RCBTB2: variants seen among roughly 807,000 people sequenced by gnomAD.
RCBTB2 encodes RCC1 and BTB domain-containing protein 2.
RCBTB2 carries 55 observed loss-of-function variants against 65.4 expected under a neutral mutation model. The observed-to-expected ratio is 0.84, with a 90% CI of 0.68 to 1.05. The LOEUF (loss-of-function observed/expected upper bound fraction) is 1.05, where lower values mean the gene tolerates loss of function less well. RCBTB2 is among the 50% of genes least tolerant of loss of function. The pLI is 0.00. For missense variants in RCBTB2, 599 were observed against 680.1 expected, an observed-to-expected ratio of 0.88 and a Z score of 1.33; for synonymous variants, 220 against 255.2, an observed-to-expected ratio of 0.86 and a Z score of 1.31.
intron 1 of RCBTB2, among the ~76,000 whole-genome samples, chr13:48,527,337 G>GATATATATATATATATAATAT (rs1174299074): frequency 8.9e-6 from 1 of 112,198 alleles, no homozygotes; most frequent in African/African-American, 6.5e-5. Context: ...ATATATATAT[G>GATATATATATATATATAATAT]ATATATATAT....
rs141891385 is a variant in RCBTB2, at chr13:48,516,200, C to T, written c.43-459G>A. Among the ~76,000 whole-genome samples the T allele has an allele frequency of 2.3e-3, 346 of 152,100 alleles. 1 individual carries two copies. The highest frequency in any genetic ancestry group is 7.4e-3 in the African/African-American group (308 of 41,486). Reference sequence around the variant, plus strand: ...TGAAAGTGACACCAAGGAAATGGTCCGAAGTTTTAGTTCATGGGCAAGCTT... The same window carrying T: ...TGAAAGTGACACCAAGGAAATGGTCTGAAGTTTTAGTTCATGGGCAAGCTT... On this transcript the variant is annotated intron_variant, in intron 4 of 14. Transcript: ENST00000344532.
At chr13:48,498,195 C>T (rs978985278) in intron 13 of RCBTB2, among the ~76,000 whole-genome samples, 1 of 152,200 alleles carries the variant, frequency 6.6e-6, no homozygotes, top group Non-Finnish European at 1.5e-5. Context: ...GGGGTCTGTC[C>T]TGCCTGTGCC....
At chr13:48,503,224 T>G (rs1051757088) in intron 10 of RCBTB2, among the ~76,000 whole-genome samples, 2 of 152,214 alleles carry the variant, frequency 1.3e-5, no homozygotes, top group African/African-American at 4.8e-5. Context: ...AATTCAAGTA[T>G]AACCCAAGAG....
chr13:48,523,101 A>G (rs1370904662), intron 2 of RCBTB2, among the ~76,000 whole-genome samples: 1 of 152,240 alleles, frequency 6.6e-6, no homozygotes, highest in African/African-American at 2.4e-5. Context: ...AAGATTACTT[A>G]GAAGTTTCTC....
chr13:48,517,330 C>T (rs1279052525), intron 4 of RCBTB2, among the ~76,000 whole-genome samples: 1 of 152,182 alleles, frequency 6.6e-6, no homozygotes, highest in African/African-American at 2.4e-5. Flanking sequence ...ATGGCTGTGA[C>T]TCATTTCCAG....
In RCBTB2 at chr13:48,522,405, T is replaced by A; in HGVS notation, c.-119-2A>T. 8.2e-7 allele frequency: 1 copy of A among 1,220,866 alleles called. No individual in the cohort carries two copies. The highest frequency in any genetic ancestry group is 1.1e-6 in the Non-Finnish European group (1 of 879,504). The allele number at this position is 1,220,866 out of a possible 1,614,324, so 75.6% of individuals were successfully genotyped here. ...CAGAAGAATATATGATTTGCTAAGC[T>A]GGAAAAAAAAAAGGAGAAATGAATG... On this transcript the variant is annotated splice_acceptor_variant, in intron 2 of 14. Coordinates refer to ENST00000344532, the MANE Select transcript of RCBTB2 (RefSeq NM_001268.4). LOFTEE classifies it low-confidence loss of function (5UTR_SPLICE).
At chr13:48,496,790 A>AGAGGCGAGGGGAGAG (rs1949996471) in intron 13 of RCBTB2, among the ~76,000 whole-genome samples, 1 of 96,080 alleles carries the variant, frequency 1.0e-5, no homozygotes, top group Non-Finnish European at 1.9e-5. Context: ...GGAGAAGAGA[A>AGAGGCGAGGGGAGAG]GAGGGGAGGG....
intron 10 of RCBTB2, among the ~76,000 whole-genome samples, chr13:48,509,243 C>T (rs1169779852): frequency 4.6e-5 from 7 of 152,114 alleles, no homozygotes. Context: ...GGGAGGATCG[C>T]CTGAGCTTGG....
Position 48,512,868 on chromosome 13 carries a change from T to C in RCBTB2, c.377A>G (p.Asn126Ser), listed in dbSNP as rs749459044. The change falls in exon 7 of 15, where the codon AAT becomes AGT. Residue 126 changes from asparagine (N) to serine (S), a missense_variant. Transcript: ENST00000344532. ...TEGEVFTWGH[N>S]AYSQLGNGTT... ...CCCATTGCCCAGCTGGCTATAAGCA[T>C]TATGACCCCAGGTAAAGACTTCTCC... The C allele has an allele frequency of 1.1e-5, 17 of 1,613,034 alleles. No individual in the cohort carries two copies. The highest frequency in any genetic ancestry group is 1.4e-5 in the Non-Finnish European group (17 of 1,179,400).
At chr13:48,490,379 C>A in intron 14 of RCBTB2, 128 bp from the exon 15 acceptor site, 1 of 691,954 alleles carries the variant, frequency 1.4e-6, no homozygotes, top group Non-Finnish European at 2.4e-6. Context: ...GAAATGATGG[C>A]ATGGTAATAC....
upstream of RCBTB2, among the ~76,000 whole-genome samples, chr13:48,533,757 C>T (rs1006990542): frequency 6.6e-6 from 1 of 152,146 alleles, no homozygotes; most frequent in Non-Finnish European, 1.5e-5. Flanking sequence ...TAAAATGCAC[C>T]ACAACTTTGC....
chr13:48,496,421 T>A (rs923506219), intron 13 of RCBTB2, 100 bp from the exon 14 acceptor site: 2 of 1,242,388 alleles, frequency 1.6e-6, no homozygotes, highest in Admixed American at 2.6e-5. Context: ...CTATTTTAGA[T>A]ATAATCCTCA....
intron 9 of RCBTB2, 120 bp from the exon 10 acceptor site, chr13:48,510,891 G>T: frequency 1.0e-6 from 1 of 989,330 alleles, no homozygotes; most frequent in Non-Finnish European, 1.5e-6. Context: ...CCGTAGGAGA[G>T]GCAAGCATTA....
At chr13:48,524,891 T>C (rs1951623057) in intron 1 of RCBTB2, 134 bp from the exon 2 acceptor site, 1 of 152,174 alleles carries the variant, frequency 6.6e-6, no homozygotes. Context: ...TGCTATCTAC[T>C]ATTAAAAAGT....
chr13:48,520,114 G>A (rs981215212), intron 4 of RCBTB2, among the ~76,000 whole-genome samples: 1 of 151,998 alleles, frequency 6.6e-6, no homozygotes, highest in African/African-American at 2.4e-5. Context: ...CAAGCATTTC[G>A]GATAAGGGAT....
chr13:48,512,117 GA>G lies in RCBTB2; in HGVS notation c.573del (p.Gln192SerfsTer15). 1 of 1,614,190 alleles carries G rather than the reference GA, an allele frequency of 6.2e-7. No individual in the cohort carries two copies. The highest frequency in any genetic ancestry group is 8.5e-7 in the Non-Finnish European group (1 of 1,180,012). ...CCAGTGACTCTTCGAGGGATTGGCTGATTAACTGTTGATCCAGATCCTACCT... is the reference window on the plus strand; with the variant it reads ...CCAGTGACTCTTCGAGGGATTGGCTGTTAACTGTTGATCCAGATCCTACCT... ...SGQVGSGSTV[N>X]QPIPRRVTGC... On this transcript the variant is annotated frameshift_variant, in exon 8 of 15. Transcript: ENST00000344532. LOFTEE classifies it high-confidence loss of function.
intron 2 of RCBTB2, among the ~76,000 whole-genome samples, chr13:48,523,041 T>C (rs1326320679): frequency 1.3e-5 from 2 of 152,218 alleles, no homozygotes; most frequent in African/African-American, 2.4e-5. Flanking sequence ...TAGCAAAGTA[T>C]TACTTTCTAA....
chr13:48,509,057 G>A (rs750394006), intron 10 of RCBTB2, among the ~76,000 whole-genome samples: 25 of 152,158 alleles, frequency 1.6e-4, no homozygotes, highest in African/African-American at 2.4e-4. Flanking sequence ...CAGGCCAGGC[G>A]CAGTGGCTCA....
intron 7 of RCBTB2, 150 bp downstream of exon 7, chr13:48,512,579 A>G (rs1950863197): frequency 1.5e-6 from 1 of 672,344 alleles, no homozygotes; most frequent in Admixed American, 2.9e-5. Flanking sequence ...TCACAACATC[A>G]ACACCCTGAC....
Sources: allele counts gnomAD v4.1 joint callset (sites outside exome capture counted in the v4.1 genomes callset), GRCh38; gene constraint gnomAD v4.1.1; transcripts MANE v1.5; gene names NCBI Gene and HGNC (gene_info 2026-07-23, HGNC 2026-07-21).